The following TENM3 variants were observed in gnomAD, a reference collection of about 807,000 sequenced individuals.
TENM3 encodes the protein teneurin-3.
Under a neutral mutation model 255.1 loss-of-function variants are expected in TENM3, and 63 were observed. The ratio of observed to expected loss-of-function variants is 0.25; its 90% CI spans 0.20 to 0.30. The LOEUF (loss-of-function observed/expected upper bound fraction) is 0.30. Among genes scored for constraint, TENM3 ranks in the 10% least tolerant of loss-of-function variants. The probability of loss-of-function intolerance (pLI) is 1.00; values close to 1 mark genes in which losing one functional copy is unlikely to be tolerated. For missense variants in TENM3, 2,929 were observed against 3,461.1 expected (o/e 0.85, Z 3.86); for synonymous variants, 1,306 against 1,322.3 (o/e 0.99, Z 0.27).
intron 5 of TENM3, among the ~76,000 whole-genome samples, chr4:182,637,426 C>T (rs1004960385): frequency 6.6e-6 from 1 of 152,136 alleles, no homozygotes; most frequent in African/African-American, 2.4e-5. Context: ...GAGGCTGAGG[C>T]AGAAGGATCA....
At chr4:182,661,192 A>ATTTTT (rs35208231) in intron 6 of TENM3, among the ~76,000 whole-genome samples, 26 of 88,590 alleles carry the variant, frequency 2.9e-4, no homozygotes, top group African/African-American at 9.7e-4. Flanking sequence ...TTAAATTTTA[A>ATTTTT]TTTTTTTTTT....
chr4:182,033,224 G>C, the TENM3 span, among the ~76,000 whole-genome samples: 7 of 152,124 alleles, frequency 4.6e-5, no homozygotes, highest in South Asian at 2.1e-4. Flanking sequence ...CTGCATCCCA[G>C]AGATTCTAGT....
the TENM3 span, among the ~76,000 whole-genome samples, chr4:181,837,154 C>T: frequency 6.6e-6 from 1 of 152,040 alleles, no homozygotes; most frequent in Admixed American, 6.5e-5. Context: ...TGTAGACTAT[C>T]ATATCATTTT....
At chr4:182,351,015 G>GT (rs1340568189) in intron 3 of TENM3, among the ~76,000 whole-genome samples, 15 of 152,178 alleles carry the variant, frequency 9.9e-5, no homozygotes, top group South Asian at 2.1e-4. Context: ...CGTGACTGAA[G>GT]TCCCACCACC....
the TENM3 span, among the ~76,000 whole-genome samples, chr4:181,554,434 T>G: frequency 6.6e-6 from 1 of 152,156 alleles, no homozygotes; most frequent in African/African-American, 2.4e-5. Flanking sequence ...AATAATAGTT[T>G]GATGATGAGC....
intron 3 of TENM3, among the ~76,000 whole-genome samples, chr4:182,410,722 A>G (rs1160113855): frequency 6.6e-6 from 1 of 152,190 alleles, no homozygotes; most frequent in East Asian, 1.9e-4. Flanking sequence ...CGAGGACCAC[A>G]GATGAAGAGC....
the TENM3 span, among the ~76,000 whole-genome samples, chr4:181,868,546 A>G: frequency 1.3e-5 from 2 of 152,144 alleles, no homozygotes; most frequent in Non-Finnish European, 2.9e-5. Context: ...TTAAGCCTCT[A>G]CTTGTGTTCT....
At chr4:182,555,404 A>G (rs1742483456) in intron 3 of TENM3, among the ~76,000 whole-genome samples, 1 of 151,894 alleles carries the variant, frequency 6.6e-6, no homozygotes, top group Non-Finnish European at 1.5e-5. Flanking sequence ...TATAATTGTG[A>G]AAAAAAATAG....
chr4:181,945,295 T>C, the TENM3 span, among the ~76,000 whole-genome samples: 100 of 152,004 alleles, frequency 6.6e-4, no homozygotes, highest in East Asian at 0.019. Flanking sequence ...TGCCTGAGAA[T>C]CATCAGAAGA....
chr4:182,414,702 G>A (rs1770241714), intron 3 of TENM3, among the ~76,000 whole-genome samples: 1 of 152,162 alleles, frequency 6.6e-6, no homozygotes, highest in African/African-American at 2.4e-5. Context: ...CTAAGGAGAT[G>A]TGTGAAATAA....
At chr4:182,546,972 C>T (rs6812970) in intron 3 of TENM3, among the ~76,000 whole-genome samples, 45,939 of 151,962 alleles carry the variant, frequency 0.3, 7,321 homozygotes, top group Non-Finnish European at 0.34. Flanking sequence ...AGTATGTTAA[C>T]TGCTGGATTA....
intron 24 of TENM3, among the ~76,000 whole-genome samples, chr4:182,783,979 A>G (rs547487360): frequency 8.7e-4 from 133 of 152,194 alleles, no homozygotes; most frequent in African/African-American, 3.1e-3. Context: ...CAAAGCTTTC[A>G]ACTTCTTTGC....
intron 1 of TENM3, among the ~76,000 whole-genome samples, chr4:182,152,572 C>G (rs1484549255): frequency 6.6e-6 from 1 of 151,762 alleles, no homozygotes; most frequent in East Asian, 1.9e-4. Flanking sequence ...TATACAATCT[C>G]TGAATGAAAA....
the TENM3 span, among the ~76,000 whole-genome samples, chr4:182,111,500 T>C: frequency 3.0e-4 from 45 of 152,242 alleles, no homozygotes; most frequent in African/African-American, 1.1e-3. Flanking sequence ...TGAAGAAGGA[T>C]GTTCATATTC....
In TENM3 at chr4:182,581,066, A is replaced by T. The variant is rs190077565; in HGVS notation, c.512-19858A>T. ...CAGATTATTGAACATGTTAATGTAA[A>T]TTGTACTTTTAATTTTTTCCAGTAC... is the stretch of plus-strand genomic sequence containing the variant. On this transcript the variant is annotated intron_variant, in intron 3 of 27. Transcript: ENST00000511685. 4.2e-3 allele frequency among the ~76,000 whole-genome samples: 645 copies of T among 152,308 alleles called. 2 individuals are homozygous for T. Among genetic ancestry groups the T allele is most frequent in the Admixed American group, 6.9e-3 (105 of 15,288 alleles).
At chr4:182,480,311 T>C (rs921598774) in intron 3 of TENM3, among the ~76,000 whole-genome samples, 2 of 152,062 alleles carry the variant, frequency 1.3e-5, no homozygotes, top group Non-Finnish European at 2.9e-5. Flanking sequence ...TTTAGCAAGA[T>C]ATCTTAAGTT....
At chr4:182,718,070 C>G in intron 13 of TENM3, among the ~76,000 whole-genome samples, 1 of 152,142 alleles carries the variant, frequency 6.6e-6, no homozygotes, top group East Asian at 1.9e-4. Flanking sequence ...TTCCACTCCC[C>G]CTCAACAGGA....
chr4:182,100,417 C>T, the TENM3 span, among the ~76,000 whole-genome samples: 2 of 127,738 alleles, frequency 1.6e-5, no homozygotes, highest in Non-Finnish European at 3.2e-5. Context: ...GCCTCGGTAA[C>T]ATGGCAAAAC....
At chr4:182,144,433 T>A (rs962167160), upstream of TENM3, 2 of 150,986 alleles carry the variant, frequency 1.3e-5, no homozygotes, top group Non-Finnish European at 3.0e-5. Flanking sequence ...TCCGCCGCCT[T>A]GGAGGAGGCT....
Sources: gnomAD v4.1 joint callset for allele counts (sites outside exome capture counted in the v4.1 genomes callset) on GRCh38, gnomAD v4.1.1 for gene constraint, MANE v1.5 for transcripts, NCBI Gene and HGNC (gene_info 2026-07-23, HGNC 2026-07-21) for gene names.